Variants in GRIP1 observed in about 807,000 individuals in gnomAD.
GRIP1 encodes glutamate receptor interacting protein 1, also known as glutamate receptor-interacting protein 1.
Under a neutral mutation model 129.9 loss-of-function variants are expected in GRIP1, and 45 were observed. The observed-to-expected ratio is 0.35, with a 90% CI of 0.27 to 0.44. The LOEUF is 0.44. Among genes scored for constraint, GRIP1 ranks in the 20% least tolerant of loss-of-function variants. The pLI, the probability that GRIP1 is intolerant of heterozygous loss-of-function variation, is 1.00. For missense variants in GRIP1, 1,196 were observed against 1,396.8 expected (o/e 0.86, Z 2.29); for synonymous variants, 530 against 520.8 (o/e 1.02, Z -0.24).
At chr12:66,392,239 A>C (rs2137515872) in intron 19 of GRIP1, 69 bp downstream of exon 19, 2 of 910,264 alleles carry the variant, frequency 2.2e-6, no homozygotes, top group East Asian at 2.4e-5. Context: ...CATGGAGCAG[A>C]GGATGAATCT....
At chr12:66,544,487 T>C (rs768320329) in intron 2 of GRIP1, among the ~76,000 whole-genome samples, 4 of 152,032 alleles carry the variant, frequency 2.6e-5, no homozygotes, top group South Asian at 2.1e-4. Flanking sequence ...GGCAACAACG[T>C]AGAGCGAAGG....
At chr12:66,900,442 A>G (rs1329310590) in intron 1 of GRIP1, among the ~76,000 whole-genome samples, 1 of 152,144 alleles carries the variant, frequency 6.6e-6, no homozygotes, top group African/African-American at 2.4e-5. Flanking sequence ...TGGACACCAA[A>G]TCTGCCAGCC....
chr12:67,009,925 T>A (rs1023316309), intron 1 of GRIP1, among the ~76,000 whole-genome samples: 8 of 152,128 alleles, frequency 5.3e-5, no homozygotes, highest in African/African-American at 1.9e-4. Context: ...CCCAATTACT[T>A]CTCTTTTGAC....
rs184160012 is a variant in GRIP1 at position 66,850,844 on chromosome 12, G to A, written c.58+218206C>T. ...TAGATTAGTTTGTTCTCATTAATAT[G>A]AATGTGACCTCTCTCCTGGTAATGT... On this transcript the variant is annotated intron_variant, in intron 1 of 1. Transcript: ENST00000643019. Among the ~76,000 whole-genome samples the A allele has an allele frequency of 6.6e-5, 10 of 151,598 alleles. 2 individuals are homozygous for A. The South Asian group carries it at 1.7e-3, about 25-fold the overall frequency.
intron 1 of GRIP1, among the ~76,000 whole-genome samples, chr12:66,979,770 C>G (rs2042217464): frequency 6.6e-6 from 1 of 152,110 alleles, no homozygotes; most frequent in Non-Finnish European, 1.5e-5. Flanking sequence ...AAAAGACACA[C>G]AGGGAGAATG....
At chr12:66,773,806 A>T (rs1264350203) in intron 1 of GRIP1, among the ~76,000 whole-genome samples, 3 of 152,214 alleles carry the variant, frequency 2.0e-5, no homozygotes, top group African/African-American at 7.2e-5. Flanking sequence ...AAAAGCAAAC[A>T]GAAGTATTAA....
chr12:66,395,005 T>C (rs552340756), intron 16 of GRIP1, among the ~76,000 whole-genome samples: 1 of 152,334 alleles, frequency 6.6e-6, no homozygotes, highest in South Asian at 2.1e-4. Flanking sequence ...TCATCTCTCC[T>C]CTTTCAATGG....
chr12:66,899,062 C>T (rs914686187), intron 1 of GRIP1, among the ~76,000 whole-genome samples: 5 of 152,134 alleles, frequency 3.3e-5, no homozygotes, highest in African/African-American at 9.7e-5. Flanking sequence ...GTATCCCTAG[C>T]GCTTCTCTTT....
chr12:67,048,386 C>T (rs774843068), intron 1 of GRIP1, among the ~76,000 whole-genome samples: 7 of 152,226 alleles, frequency 4.6e-5, no homozygotes, highest in East Asian at 1.9e-4. Context: ...CTTTAGTACA[C>T]GTTTGCAAAT....
chr12:66,401,609 T>TATATATATATATACACACAC (rs1169241331), intron 16 of GRIP1, among the ~76,000 whole-genome samples: 24 of 110,184 alleles, frequency 2.2e-4, no homozygotes, highest in East Asian at 5.9e-4. Context: ...TATATATATA[T>TATATATATATATACACACAC]ACACACACAC....
At chr12:66,420,856 C>T in intron 14 of GRIP1, 67 bp from the exon 15 acceptor site, 1 of 901,014 alleles carries the variant, frequency 1.1e-6, no homozygotes, top group African/African-American at 1.6e-5. Flanking sequence ...GTACATTTCC[C>T]CTGTTTTATA....
upstream of GRIP1, among the ~76,000 whole-genome samples, chr12:66,681,846 C>T (rs2034595508): frequency 2.0e-5 from 3 of 152,102 alleles, no homozygotes; most frequent in African/African-American, 7.2e-5. Context: ...GATGATAATT[C>T]TTATTTCAGG....
At chr12:67,068,953 G>C in intron 1 of GRIP1, 1 of 450,356 alleles carries the variant, frequency 2.2e-6, no homozygotes, top group Non-Finnish European at 2.9e-6. Flanking sequence ...CCCCGTCGGC[G>C]GGTGGACGGG....
chr12:66,805,799 A>G (rs1006990719), upstream of GRIP1, among the ~76,000 whole-genome samples: 6 of 152,196 alleles, frequency 3.9e-5, no homozygotes, highest in African/African-American at 1.4e-4. Context: ...ATATGTAGTT[A>G]CTTTCAATGG....
intron 1 of GRIP1, among the ~76,000 whole-genome samples, chr12:66,791,125 AG>A (rs1365821383): frequency 1.3e-5 from 2 of 152,194 alleles, no homozygotes; most frequent in Admixed American, 1.3e-4. Flanking sequence ...CAGAATCCAG[AG>A]GGCCACAAGG....
chr12:66,801,232 G>A (rs993391175), intron 1 of GRIP1, among the ~76,000 whole-genome samples: 5 of 152,100 alleles, frequency 3.3e-5, no homozygotes, highest in East Asian at 3.9e-4. Context: ...CAAAGCATGC[G>A]TCTGTCTAGT....
chr12:66,797,995 A>C (rs926709649), intron 1 of GRIP1, among the ~76,000 whole-genome samples: 1 of 152,168 alleles, frequency 6.6e-6, no homozygotes, highest in Non-Finnish European at 1.5e-5. Flanking sequence ...TGATCAATCA[A>C]TAATGACAGA....
chr12:66,973,992 G>A (rs938672143), intron 1 of GRIP1, among the ~76,000 whole-genome samples: 2 of 142,548 alleles, frequency 1.4e-5, no homozygotes, highest in Non-Finnish European at 3.0e-5. Context: ...GCGTGATCTC[G>A]GCTCACTGCA....
chr12:66,769,256 T>A (rs1207803886), intron 1 of GRIP1, among the ~76,000 whole-genome samples: 1 of 151,412 alleles, frequency 6.6e-6, no homozygotes, highest in Non-Finnish European at 1.5e-5. Flanking sequence ...TTAGCCTTTC[T>A]GAAAGTGTGT....
Sources: gnomAD v4.1 joint callset for allele counts (sites outside exome capture counted in the v4.1 genomes callset) on GRCh38, gnomAD v4.1.1 for gene constraint, MANE v1.5 for transcripts, NCBI Gene and HGNC (gene_info 2026-07-23, HGNC 2026-07-21) for gene names.